ENOX1: variants seen among roughly 807,000 people sequenced by gnomAD.
ENOX1 encodes the protein ecto-NOX disulfide-thiol exchanger 1, also known as candidate growth-related and time keeping constitutive hydroquinone (NADH) oxidase.
In ENOX1, 42 loss-of-function variants were observed where a neutral mutation model predicts 82.5. The ratio of observed to expected loss-of-function variants is 0.51; its 90% CI spans 0.40 to 0.66. The LOEUF (loss-of-function observed/expected upper bound fraction) is 0.66. Ranked by LOEUF, ENOX1 falls within the 30% of genes least tolerant of loss-of-function variation. The pLI, the probability that ENOX1 is intolerant of heterozygous loss-of-function variation, is 0.00. For missense variants in ENOX1, 608 were observed against 811.6 expected (o/e 0.75, Z 3.05); for synonymous variants, 271 against 282.2 (o/e 0.96, Z 0.40).
intron 2 of ENOX1, among the ~76,000 whole-genome samples, chr13:43,581,128 T>TTTG (rs1353696587): frequency 7.6e-5 from 9 of 117,832 alleles, no homozygotes; most frequent in African/African-American, 3.5e-4. Context: ...CCTGATTCTT[T>TTTG]TTTTTTTTTT....
chr13:43,309,043 T>C (rs113862632), intron 11 of ENOX1, among the ~76,000 whole-genome samples: 1 of 72,204 alleles, frequency 1.4e-5, no homozygotes, highest in Non-Finnish European at 3.0e-5. Context: ...TTTTTTTTTT[T>C]TCCAGAGTCT....
chr13:43,504,285 A>T (rs2077076982), intron 2 of ENOX1, among the ~76,000 whole-genome samples: 1 of 151,848 alleles, frequency 6.6e-6, no homozygotes, highest in African/African-American at 2.4e-5. Flanking sequence ...AAGAATCAGA[A>T]CTACCACTGG....
rs373652630 is a variant in ENOX1 at position 43,717,722 on chromosome 13, G to A, written c.-284-50178C>T. 2.0e-4 allele frequency among the ~76,000 whole-genome samples: 30 copies of A among 152,218 alleles called. No individual in the cohort carries two copies. In the South Asian group the frequency reaches 3.1e-3, roughly 16 times the overall value. On this transcript the variant is annotated intron_variant, in intron 1 of 16. Coordinates refer to ENST00000690772, the MANE Select transcript of ENOX1 (RefSeq NM_001347969.2). ...AAAATAAATAAAGCAATTTAAAAAT[G>A]AGCAAAGGACAGGAACAGACACTTC... is the stretch of plus-strand genomic sequence containing the variant.
At chr13:43,615,751 C>T (rs1478469868) in intron 2 of ENOX1, among the ~76,000 whole-genome samples, 5 of 151,848 alleles carry the variant, frequency 3.3e-5, no homozygotes, top group African/African-American at 1.2e-4. Flanking sequence ...TAGCCCCTCA[C>T]CCCCCGACAG....
rs9594988 is a variant in ENOX1, at chr13:43,658,074, A to G, written c.-219+9405T>C. ...TGACTAAAAAGAATTTGAAGAGAGA[A>G]TCATTAAGATATTGATCAAGAATTG... On this transcript the variant is annotated intron_variant, in intron 2 of 16. Transcript: ENST00000690772. 7.4e-4 allele frequency among the ~76,000 whole-genome samples: 113 copies of G among 152,342 alleles called. 1 individual carries two copies. Among genetic ancestry groups the G allele is most frequent in the African/African-American group, 2.6e-3 (108 of 41,584 alleles).
chr13:43,452,056 T>C (rs2056995897), intron 3 of ENOX1, among the ~76,000 whole-genome samples: 1 of 152,182 alleles, frequency 6.6e-6, no homozygotes. Context: ...ATTCCACACT[T>C]ACTTTTTCCT....
At chr13:43,271,256 T>C (rs2044663062) in intron 12 of ENOX1, among the ~76,000 whole-genome samples, 1 of 152,196 alleles carries the variant, frequency 6.6e-6, no homozygotes. Context: ...TGGACATTAA[T>C]AATCGTGTAT....
intron 2 of ENOX1, among the ~76,000 whole-genome samples, chr13:43,521,979 G>C (rs2077789158): frequency 6.6e-6 from 1 of 152,150 alleles, no homozygotes; most frequent in African/African-American, 2.4e-5. Flanking sequence ...ATAGAATCAT[G>C]AATAGAATCA....
intron 11 of ENOX1, among the ~76,000 whole-genome samples, chr13:43,320,102 G>T (rs558938068): frequency 6.6e-6 from 1 of 152,202 alleles, no homozygotes; most frequent in Non-Finnish European, 1.5e-5. Flanking sequence ...CCCCAAATAT[G>T]CAGGGCTGAA....
At chr13:43,224,590 A>G (rs555364846) in intron 15 of ENOX1, among the ~76,000 whole-genome samples, 1 of 152,218 alleles carries the variant, frequency 6.6e-6, no homozygotes, top group Admixed American at 6.5e-5. Context: ...CAATTGCTAG[A>G]TATGAAAAGT....
At chr13:43,558,650 C>A (rs1357789918) in intron 2 of ENOX1, among the ~76,000 whole-genome samples, 3 of 152,176 alleles carry the variant, frequency 2.0e-5, no homozygotes, top group Non-Finnish European at 2.9e-5. Context: ...CAACATTAAA[C>A]AGACTGGACG....
intron 3 of ENOX1, among the ~76,000 whole-genome samples, chr13:43,476,906 G>A (rs1319755125): frequency 6.6e-6 from 1 of 152,056 alleles, no homozygotes; most frequent in African/African-American, 2.4e-5. Flanking sequence ...AGATGGGTGG[G>A]TGCAGGCAGG....
At chr13:43,739,526 G>A (rs1364926744) in intron 1 of ENOX1, among the ~76,000 whole-genome samples, 14 of 151,658 alleles carry the variant, frequency 9.2e-5, no homozygotes, top group Admixed American at 9.2e-4. Context: ...TCCAGCCTGG[G>A]CAACCAGAGT....
intron 5 of ENOX1, among the ~76,000 whole-genome samples, chr13:43,363,673 A>G (rs2050668442): frequency 6.6e-6 from 1 of 152,208 alleles, no homozygotes; most frequent in South Asian, 2.1e-4. Flanking sequence ...GGATGATTTA[A>G]GGCTGAAACC....
intron 1 of ENOX1, among the ~76,000 whole-genome samples, chr13:43,781,251 G>A (rs986467637): frequency 7.9e-5 from 12 of 152,114 alleles, no homozygotes; most frequent in African/African-American, 2.7e-4. Flanking sequence ...AATACTTGCA[G>A]CATTACACAA....
At chr13:43,782,531 C>T (rs1290407074) in intron 1 of ENOX1, among the ~76,000 whole-genome samples, 2 of 152,070 alleles carry the variant, frequency 1.3e-5, no homozygotes, top group Non-Finnish European at 2.9e-5. Flanking sequence ...CATTTATTCC[C>T]CTCTACAAAT....
intron 16 of ENOX1, 24 bp downstream of exon 16, chr13:43,224,029 G>T (rs1182742375): frequency 1.3e-6 from 2 of 1,592,096 alleles, no homozygotes; most frequent in Admixed American, 3.3e-5. Context: ...AGCAACGAAA[G>T]TTCACTCGAG....
chr13:43,425,238 A>C lies in ENOX1; in HGVS notation c.-74-12250T>G, dbSNP rs190542396. ...ATTGGCTACACCTGGTTATCTCAGC[A>C]GGCCCTCATAACCCAGAAAACCTCC... On this transcript the variant is annotated intron_variant, in intron 3 of 16. Transcript: ENST00000690772. Among the ~76,000 whole-genome samples the C allele has an allele frequency of 4.8e-3, 738 of 152,220 alleles. 24 individuals carry two copies. Among genetic ancestry groups the C allele is most frequent in the Admixed American group, 0.044 (672 of 15,288 alleles).
intron 3 of ENOX1, among the ~76,000 whole-genome samples, chr13:43,468,428 G>T (rs1428878408): frequency 6.6e-6 from 1 of 151,746 alleles, no homozygotes; most frequent in African/African-American, 2.4e-5. Flanking sequence ...TGATCTGCCC[G>T]CCTCGGCCTC....
Sources: allele counts gnomAD v4.1 joint callset (sites outside exome capture counted in the v4.1 genomes callset), GRCh38; gene constraint gnomAD v4.1.1; transcripts MANE v1.5; gene names NCBI Gene and HGNC (gene_info 2026-07-23, HGNC 2026-07-21).